The following NONO variants were observed in gnomAD, a reference collection of about 807,000 sequenced individuals.
NONO encodes non-POU domain-containing octamer-binding protein.
NONO carries 6 observed loss-of-function variants against 40.2 expected under a neutral mutation model. The observed-to-expected ratio is 0.15, with a 90% CI of 0.08 to 0.29. The LOEUF is 0.29. Ranked by LOEUF, NONO falls within the 10% of genes least tolerant of loss-of-function variation. NONO has a pLI of 1.00. For synonymous variants in NONO, 89 were observed against 123.3 expected (o/e 0.72, Z 1.85); for missense variants, 133 against 397.8 (o/e 0.33, Z 5.66).
At chrX:71,296,731 A>G in intron 6 of NONO, 71 bp downstream of exon 6, 1 of 1,007,724 alleles carries the variant, frequency 9.9e-7, no homozygotes. Flanking sequence ...GATATGTAAA[A>G]GAGGCAGGTC....
intron 5 of NONO, 128 bp from the exon 6 acceptor site, chrX:71,296,437 T>C: frequency 2.1e-6 from 1 of 471,135 alleles, no homozygotes; most frequent in Non-Finnish European, 3.5e-6. Flanking sequence ...TATAATGTCA[T>C]TAGGTATAAA....
Position 71,300,403 on chromosome X carries a change from T to C in NONO, c.*327T>C. On this transcript the variant is annotated 3_prime_UTR_variant, in exon 12 of 12. Transcript: ENST00000276079. ...ATCATTCCGGTTTTTTTTTTTTTTG[T>C]CCATCTTGTTTCATTTGCTTGCCCC... The C allele has an allele frequency of 3.6e-6, 1 of 281,073 alleles. No homozygotes were observed. Among genetic ancestry groups the C allele is most frequent in the Admixed American group, 6.5e-5 (1 of 15,399 alleles). The allele number at this position is 281,073 out of a possible 1,213,427, so 23.2% of individuals were successfully genotyped here.
chrX:71,289,377 C>T (rs1320523209), intron 2 of NONO, among the ~76,000 whole-genome samples: 1 of 106,196 alleles, frequency 9.4e-6, no homozygotes, highest in Non-Finnish European at 1.9e-5. Context: ...CTGCCAGCTC[C>T]GCCTCCTGAG....
intron 2 of NONO, among the ~76,000 whole-genome samples, chrX:71,286,777 A>G (rs765293795): frequency 1.8e-5 from 2 of 112,188 alleles, no homozygotes; most frequent in South Asian, 3.7e-4. Context: ...GGCCATTACA[A>G]TGAACACTTT....
intron 5 of NONO, among the ~76,000 whole-genome samples, chrX:71,294,989 G>A (rs1030948444): frequency 9.0e-5 from 10 of 111,521 alleles, no homozygotes; most frequent in Non-Finnish European, 1.3e-4. Context: ...AGGCCGAGGC[G>A]GGCAGATCAT....
intron 5 of NONO, among the ~76,000 whole-genome samples, chrX:71,296,123 T>TTTTC (rs1234496444): frequency 4.3e-4 from 47 of 109,166 alleles, no homozygotes; most frequent in African/African-American, 1.5e-3. Flanking sequence ...CAACCCCAGA[T>TTTTC]TTTCTTTTTT....
intron 11 of NONO, among the ~76,000 whole-genome samples, chrX:71,299,079 G>T (rs1328975630): frequency 9.0e-6 from 1 of 111,619 alleles, no homozygotes; most frequent in Non-Finnish European, 1.9e-5. Flanking sequence ...TTGCCACCAT[G>T]CCCGGCTAAT....
intron 2 of NONO, among the ~76,000 whole-genome samples, chrX:71,287,135 C>T (rs2031207687): frequency 8.9e-6 from 1 of 112,243 alleles, no homozygotes; most frequent in South Asian, 3.7e-4. Context: ...GGCTGGAGTG[C>T]AGCGGCACTG....
At chrX:71,298,912 C>T in intron 11 of NONO, 96 bp downstream of exon 11, 1 of 601,308 alleles carries the variant, frequency 1.7e-6, no homozygotes, top group Non-Finnish European at 2.6e-6. Context: ...CCTCAGTTTG[C>T]TATAGATAGC....
chrX:71,296,145 CT>C (rs757644657), intron 5 of NONO, among the ~76,000 whole-genome samples: 145 of 93,906 alleles, frequency 1.5e-3, no homozygotes, highest in African/African-American at 2.8e-3. Context: ...TTTTTCTTTT[CT>C]TTTTTTTTTT....
chrX:71,296,173 C>T (rs1197950102), intron 5 of NONO, among the ~76,000 whole-genome samples: 15 of 97,717 alleles, frequency 1.5e-4, no homozygotes, highest in East Asian at 6.3e-4. Flanking sequence ...GAGACAGTCT[C>T]ACTCTGTAGC....
intron 5 of NONO, among the ~76,000 whole-genome samples, chrX:71,295,791 CAA>C (rs1201282676): frequency 9.2e-6 from 1 of 108,674 alleles, no homozygotes; most frequent in African/African-American, 3.3e-5. Context: ...ACTCCGTTTC[CAA>C]AAAAAAAGAC....
intron 2 of NONO, among the ~76,000 whole-genome samples, chrX:71,287,544 A>AT (rs2031218325): frequency 9.6e-6 from 1 of 104,072 alleles, no homozygotes; most frequent in African/African-American, 3.6e-5. Flanking sequence ...CACCCGGCTA[A>AT]TTTTTTTGTA....
chrX:71,287,747 T>C (rs1412321003), intron 2 of NONO, among the ~76,000 whole-genome samples: 1 of 109,307 alleles, frequency 9.1e-6, no homozygotes, highest in Non-Finnish European at 1.9e-5. Context: ...TGCAGTGTTA[T>C]GATTTGCCTC....
chrX:71,295,080 T>C (rs1357364477), intron 5 of NONO, among the ~76,000 whole-genome samples: 1 of 104,396 alleles, frequency 9.6e-6, no homozygotes, highest in African/African-American at 3.5e-5. Flanking sequence ...AAAATAAAAA[T>C]ACCAAAATTA....
chrX:71,299,296 G>C (rs780970890), intron 11 of NONO, among the ~76,000 whole-genome samples: 1 of 112,646 alleles, frequency 8.9e-6, no homozygotes, highest in Admixed American at 9.4e-5. Flanking sequence ...GATTACTGGC[G>C]TGAGCCACCA....
intron 11 of NONO, among the ~76,000 whole-genome samples, chrX:71,299,083 G>T (rs1247220442): frequency 9.0e-6 from 1 of 111,673 alleles, no homozygotes; most frequent in Admixed American, 9.5e-5. Flanking sequence ...CACCATGCCC[G>T]GCTAATTTTT....
chrX:71,291,901 CTA>C lies in NONO; in HGVS notation c.279_280del (p.Phe94Ter), dbSNP rs747706470. 8.3e-7 allele frequency: 1 copy of C among 1,202,395 alleles called. No individual in the cohort carries two copies. The highest frequency in any genetic ancestry group is 1.1e-6 in the Non-Finnish European group (1 of 892,041). Reference sequence around the variant, plus strand: ...CATCACTGAGGAAGAAATGAGGAAACTATTTGAGAAATATGGAAAGGCAGGCG... The same window carrying C: ...CATCACTGAGGAAGAAATGAGGAAACTTTGAGAAATATGGAAAGGCAGGCG... Reference protein sequence around the residue: ...PDITEEEMRKLFEKYGKAGEV... With the variant: ...PDITEEEMRKXFEKYGKAGEV... On this transcript the variant is annotated frameshift_variant, in exon 4 of 12. Transcript: ENST00000276079. LOFTEE classifies it high-confidence loss of function.
intron 2 of NONO, among the ~76,000 whole-genome samples, chrX:71,285,414 C>G (rs759342456): frequency 9.0e-6 from 1 of 111,496 alleles, no homozygotes; most frequent in East Asian, 2.8e-4. Flanking sequence ...CGTTTAAAAT[C>G]CTTACAACTT....
Sources: allele counts gnomAD v4.1 joint callset (sites outside exome capture counted in the v4.1 genomes callset), GRCh38; gene constraint gnomAD v4.1.1; transcripts MANE v1.5; gene names NCBI Gene and HGNC (gene_info 2026-07-23, HGNC 2026-07-21).